Variants in RBFOX1 observed in about 807,000 individuals in gnomAD.
The protein encoded by RBFOX1 is RNA binding fox-1 homolog 1.
In RBFOX1, 8 loss-of-function variants were observed where a neutral mutation model predicts 57.7. That is an observed-to-expected ratio of 0.14 (90% CI 0.08 to 0.25). RBFOX1 has a LOEUF of 0.25. RBFOX1 is among the 10% of genes least tolerant of loss of function. The probability of loss-of-function intolerance (pLI) is 1.00; values close to 1 mark genes in which losing one functional copy is unlikely to be tolerated. For missense variants in RBFOX1, 611 were observed against 548.5 expected, an observed-to-expected ratio of 1.11 and a Z score of -1.14; for synonymous variants, 326 against 222.4, an observed-to-expected ratio of 1.47 and a Z score of -4.15.
chr16:6,170,526 C>T (rs942734536), intron 1 of RBFOX1, among the ~76,000 whole-genome samples: 4 of 151,822 alleles, frequency 2.6e-5, no homozygotes, highest in Admixed American at 2.6e-4. Flanking sequence ...CATGTCAAAG[C>T]AAAAAATAAA....
chr16:5,755,367 T>G (rs1377564705), intron 3 of RBFOX1, among the ~76,000 whole-genome samples: 1 of 152,162 alleles, frequency 6.6e-6, no homozygotes, highest in African/African-American at 2.4e-5. Context: ...TTCTGGCAAC[T>G]GAGTGAGGGA....
At chr16:7,105,606 G>C (rs12709176) in intron 4 of RBFOX1, among the ~76,000 whole-genome samples, 81,018 of 151,710 alleles carry the variant, frequency 0.53, 21,727 homozygotes, top group South Asian at 0.65. Context: ...GAGTTAGTCT[G>C]CAATCTCATC....
chr16:6,917,437 T>G (rs1690554886), intron 3 of RBFOX1, among the ~76,000 whole-genome samples: 2 of 152,254 alleles, frequency 1.3e-5, no homozygotes, highest in African/African-American at 4.8e-5. Context: ...TTGTCCTTGA[T>G]GTGTTTCATT....
chr16:6,329,763 C>T (rs755967278), intron 2 of RBFOX1, among the ~76,000 whole-genome samples: 4 of 152,096 alleles, frequency 2.6e-5, no homozygotes, highest in African/African-American at 9.7e-5. Flanking sequence ...CAAACCATGT[C>T]GCTTCTAAAA....
chr16:6,535,292 G>C (rs1026700285), intron 2 of RBFOX1, among the ~76,000 whole-genome samples: 4 of 152,164 alleles, frequency 2.6e-5, no homozygotes, highest in African/African-American at 9.7e-5. Context: ...GAGAAATTGA[G>C]GGATCACACT....
At chr16:5,447,875 G>T (rs2151556830) in intron 1 of RBFOX1, among the ~76,000 whole-genome samples, 1 of 152,302 alleles carries the variant, frequency 6.6e-6, no homozygotes, top group East Asian at 1.9e-4. Flanking sequence ...TGTTTCCTGT[G>T]ACACTTTTCA....
At chr16:7,548,050 G>A (rs1408513752) in intron 5 of RBFOX1, among the ~76,000 whole-genome samples, 1 of 152,340 alleles carries the variant, frequency 6.6e-6, no homozygotes, top group African/African-American at 2.4e-5. Context: ...CAGAAAATAA[G>A]CTAGACAGGC....
chr16:7,518,875 T>A (rs1022436875), intron 5 of RBFOX1, among the ~76,000 whole-genome samples: 1 of 152,060 alleles, frequency 6.6e-6, no homozygotes, highest in African/African-American at 2.4e-5. Flanking sequence ...ATTTAAAATT[T>A]AGCTGAGTGT....
intron 11 of RBFOX1, among the ~76,000 whole-genome samples, chr16:7,636,835 C>T (rs1319847145): frequency 2.5e-5 from 3 of 121,170 alleles, no homozygotes; most frequent in Admixed American, 1.6e-4. Flanking sequence ...GAGACAGAGA[C>T]AGAGAGAAAC....
intron 3 of RBFOX1, among the ~76,000 whole-genome samples, chr16:7,038,873 C>T (rs1021685255): frequency 7.2e-5 from 11 of 152,182 alleles, no homozygotes; most frequent in African/African-American, 2.4e-4. Context: ...CCCAAGAAAA[C>T]ACCTCATTAA....
chr16:7,099,631 G>A (rs963706825), intron 4 of RBFOX1, among the ~76,000 whole-genome samples: 1 of 152,072 alleles, frequency 6.6e-6, no homozygotes, highest in Non-Finnish European at 1.5e-5. Context: ...GGTGGTTGGG[G>A]TATAGCTTGC....
At chr16:6,685,451 T>TTTG (rs1199311881) in intron 3 of RBFOX1, among the ~76,000 whole-genome samples, 1 of 148,408 alleles carries the variant, frequency 6.7e-6, no homozygotes, top group Non-Finnish European at 1.5e-5. Context: ...AATTTTTTTT[T>TTTG]TTTTTTTTCT....
intron 2 of RBFOX1, among the ~76,000 whole-genome samples, chr16:6,624,200 C>A (rs1046187159): frequency 7.2e-5 from 11 of 152,066 alleles, no homozygotes; most frequent in African/African-American, 2.7e-4. Context: ...TATTTAAGCA[C>A]ATGGTTACTG....
intron 4 of RBFOX1, among the ~76,000 whole-genome samples, chr16:7,498,048 TTGGATTTGGTAAAG>T: frequency 6.6e-6 from 1 of 152,300 alleles, no homozygotes; most frequent in South Asian, 2.1e-4. Flanking sequence ...GGGAGCTTTG[TTGGATTTGGTAAAG>T]TGAAAGTTAT....
At chr16:6,271,401 C>G (rs10468316) in intron 1 of RBFOX1, among the ~76,000 whole-genome samples, 12,927 of 151,810 alleles carry the variant, frequency 0.085, 760 homozygotes, top group Middle Eastern at 0.18. Context: ...TCAGCTGGAG[C>G]GACAGAGCAA....
intron 12 of RBFOX1, among the ~76,000 whole-genome samples, chr16:7,662,809 CT>C (rs558534799): frequency 1.7e-3 from 257 of 152,320 alleles, no homozygotes; most frequent in Middle Eastern, 3.4e-3. Flanking sequence ...TTACGAAACC[CT>C]TTCTTGAGGT....
chr16:5,487,745 C>T (rs2042677904), intron 2 of RBFOX1, among the ~76,000 whole-genome samples: 1 of 152,178 alleles, frequency 6.6e-6, no homozygotes, highest in South Asian at 2.1e-4. Context: ...CACACCTCTG[C>T]TTGCCCTCAG....
At chr16:7,395,773 AATTTTGGCGTAC>A in intron 4 of RBFOX1, among the ~76,000 whole-genome samples, 1 of 152,330 alleles carries the variant, frequency 6.6e-6, no homozygotes, top group Admixed American at 6.5e-5. Context: ...ATAAGTTATG[AATTTTGGCGTAC>A]ATATTTACCC....
intron 3 of RBFOX1, among the ~76,000 whole-genome samples, chr16:6,706,241 C>T (rs749700913): frequency 2.0e-5 from 3 of 152,230 alleles, no homozygotes; most frequent in East Asian, 1.9e-4. Flanking sequence ...CTTTCCTGGT[C>T]GCCCATGTCC....
Sources: gnomAD v4.1 joint callset for allele counts (sites outside exome capture counted in the v4.1 genomes callset) on GRCh38, gnomAD v4.1.1 for gene constraint, MANE v1.5 for transcripts, NCBI Gene and HGNC (gene_info 2026-07-23, HGNC 2026-07-21) for gene names.